CDKL5: variants seen among roughly 807,000 people sequenced by gnomAD.
CDKL5 encodes cyclin-dependent kinase-like 5.
Under a neutral mutation model 61.7 loss-of-function variants are expected in CDKL5, and 8 were observed. That is an observed-to-expected ratio of 0.13 (90% CI 0.08 to 0.23). The LOEUF (loss-of-function observed/expected upper bound fraction) is 0.23. Among genes scored for constraint, CDKL5 ranks in the 10% least tolerant of loss-of-function variants. The probability of loss-of-function intolerance (pLI) is 1.00; values close to 1 mark genes in which losing one functional copy is unlikely to be tolerated. For missense variants in CDKL5, 440 were observed against 734.5 expected, an observed-to-expected ratio of 0.60 and a Z score of 4.63; for synonymous variants, 275 against 272.3, an observed-to-expected ratio of 1.01 and a Z score of -0.10.
At chrX:18,481,324 C>G (rs1274547913) in intron 1 of CDKL5, among the ~76,000 whole-genome samples, 2 of 20,819 alleles carry the variant, frequency 9.6e-5, no homozygotes, top group African/African-American at 2.1e-4. Flanking sequence ...GTCCTGGTTT[C>G]TTTCTTTCTT....
intron 1 of CDKL5, among the ~76,000 whole-genome samples, chrX:18,481,371 T>TCTTTCTTTCTTTCCTTCTTTCCTTCTTTC (rs1569192149): frequency 1.0e-5 from 1 of 95,903 alleles, no homozygotes; most frequent in African/African-American, 3.9e-5. Context: ...TTTCTTTCTT[T>TCTTTCTTTCTTTCCTTCTTTCCTTCTTTC]TGAGGCAGGG....
At chrX:18,557,427 G>A (rs987493703) in intron 3 of CDKL5, among the ~76,000 whole-genome samples, 4 of 111,384 alleles carry the variant, frequency 3.6e-5, no homozygotes, top group Admixed American at 2.9e-4. Context: ...CATGGATTTT[G>A]GTATCCTCGG....
At chrX:18,441,391 G>T (rs1442389756) in intron 1 of CDKL5, among the ~76,000 whole-genome samples, 1 of 110,701 alleles carries the variant, frequency 9.0e-6, no homozygotes, top group Non-Finnish European at 1.9e-5. Flanking sequence ...CTCTAGCCTG[G>T]GTGACAGAGT....
At chrX:18,574,392 A>G in intron 4 of CDKL5, among the ~76,000 whole-genome samples, 1 of 111,826 alleles carries the variant, frequency 8.9e-6, no homozygotes, top group Non-Finnish European at 1.9e-5. Context: ...CAGTTTTTAG[A>G]CTGTGTTTTG....
intron 3 of CDKL5, among the ~76,000 whole-genome samples, chrX:18,541,035 C>T (rs181273147): frequency 9.8e-5 from 11 of 111,986 alleles, no homozygotes; most frequent in Admixed American, 8.5e-4. Context: ...TCCTTTTAGC[C>T]TCTGTGGTTA....
chrX:18,557,262 T>C (rs1369535358), intron 3 of CDKL5, among the ~76,000 whole-genome samples: 1 of 111,772 alleles, frequency 8.9e-6, no homozygotes, highest in African/African-American at 3.3e-5. Context: ...CAATAAAAAA[T>C]ACAAATAAAA....
intron 3 of CDKL5, among the ~76,000 whole-genome samples, chrX:18,529,424 G>A (rs887203790): frequency 9.1e-6 from 1 of 110,363 alleles, no homozygotes; most frequent in Non-Finnish European, 1.9e-5. Context: ...ATTAAGAATA[G>A]GAAAAATAGA....
intron 4 of CDKL5, among the ~76,000 whole-genome samples, chrX:18,564,936 C>T (rs920697315): frequency 9.0e-6 from 1 of 111,491 alleles, no homozygotes; most frequent in African/African-American, 3.3e-5. Context: ...GTATTGGTTA[C>T]GGTGATCTCC....
At chrX:18,626,669 T>TCTCG (rs1927056159) in intron 17 of CDKL5, 2 of 16,352 alleles carry the variant, frequency 1.2e-4, no homozygotes, top group Non-Finnish European at 2.2e-4. Flanking sequence ...GCCCTCTCTC[T>TCTCG]CTCTCTCTCT....
In CDKL5 at chrX:18,603,922, C is replaced by A; in HGVS notation, c.998C>A (p.Thr333Asn). ...LSNRNQAGKS[T>N]ALQSHHRSNS... Reference sequence around the variant, plus strand: ...CATAGAAACCAAGCCGGCAAAAGTACTGCTTTGCAGTCTCACCACAGATCT... The same window carrying A: ...CATAGAAACCAAGCCGGCAAAAGTAATGCTTTGCAGTCTCACCACAGATCT... The change falls in exon 12 of 18, where the codon ACT becomes AAT. Residue 333 changes from threonine (T) to asparagine (N), a missense_variant. Thr to Asn is a moderately conservative substitution (Grantham distance 65). Transcript: ENST00000623535. The A allele has an allele frequency of 8.3e-7, 1 of 1,210,878 alleles. No homozygotes were observed. The highest frequency in any genetic ancestry group is 3.0e-5 in the East Asian group (1 of 33,832).
In CDKL5 at chrX:18,631,784, A is replaced by G. The variant is rs1440953131; in HGVS notation, c.*3027A>G. 1.3e-6 allele frequency: 1 copy of G among 751,192 alleles called. No homozygotes were observed. The highest frequency in any genetic ancestry group is 2.3e-5 in the African/African-American group (1 of 42,983). 61.9% of individuals were successfully genotyped at this position (751,192 alleles called of 1,213,427 possible). ...GAAGTTCTAAATACCCTTTAACTGA[A>G]CCTTGTTGGTCTTGCTCTAAAATTT... is the stretch of plus-strand genomic sequence containing the variant. On this transcript the variant is annotated 3_prime_UTR_variant, in exon 18 of 18. Transcript: ENST00000623535.
chrX:18,532,655 G>A (rs1260295479), intron 3 of CDKL5, among the ~76,000 whole-genome samples: 1 of 111,850 alleles, frequency 8.9e-6, no homozygotes, highest in Non-Finnish European at 1.9e-5. Flanking sequence ...TTGAGAATCT[G>A]TGTGATAGAG....
chrX:18,631,194 A>G lies in CDKL5; in HGVS notation c.*2437A>G, dbSNP rs193105056. 5.7e-5 allele frequency: 43 copies of G among 750,613 alleles called. No individual in the cohort carries two copies. The Admixed American group carries it at 6.2e-4, about 11-fold the overall frequency. The allele number at this position is 750,613 out of a possible 1,213,427, so 61.9% of individuals were successfully genotyped here. A position where few individuals can be genotyped will look rare whatever the true frequency, so the allele number is the denominator to read the frequency against. ...AGAAGGGCTAGAATATTTGCCTTCT[A>G]CCTAGAGCAAAGTAAACCTAATTGT... On this transcript the variant is annotated 3_prime_UTR_variant, in exon 18 of 18. Coordinates refer to ENST00000623535, the MANE Select transcript of CDKL5 (RefSeq NM_001323289.2).
chrX:18,561,879 TTA>T (rs1924817404), intron 3 of CDKL5, among the ~76,000 whole-genome samples: 1 of 111,818 alleles, frequency 8.9e-6, no homozygotes, highest in African/African-American at 3.2e-5. Flanking sequence ...CAGATGAATA[TTA>T]ACCATGCTCA....
rs80212158 is a variant in CDKL5, at chrX:18,516,526, C to T, written c.99+5672C>T. On this transcript the variant is annotated intron_variant, in intron 3 of 17. Transcript: ENST00000623535. ...TGAGATTTTGCTAGACTGTTGATAC[C>T]GGAAAAACTACAAATGCTGCTGTTG... Among the ~76,000 whole-genome samples, 14 of 109,469 alleles carry T rather than the reference C, an allele frequency of 1.3e-4. No homozygotes were observed. The East Asian group carries it at 2.9e-3, about 22-fold the overall frequency.
At chrX:18,513,547 T>C (rs1343592253) in intron 3 of CDKL5, among the ~76,000 whole-genome samples, 5 of 111,941 alleles carry the variant, frequency 4.5e-5, no homozygotes, top group Non-Finnish European at 9.4e-5. Context: ...AACATTTCTC[T>C]CTTTGCTGTC....
At chrX:18,473,255 G>A (rs1381705752) in intron 1 of CDKL5, among the ~76,000 whole-genome samples, 2 of 110,928 alleles carry the variant, frequency 1.8e-5, no homozygotes, top group East Asian at 2.8e-4. Context: ...CACTGTGCCC[G>A]GCCCTCTTCT....
At chrX:18,440,180 C>T (rs1184071347) in intron 1 of CDKL5, among the ~76,000 whole-genome samples, 1 of 111,805 alleles carries the variant, frequency 8.9e-6, no homozygotes, top group Non-Finnish European at 1.9e-5. Context: ...TAGCGTTTTA[C>T]CCACATTAGA....
At chrX:18,499,186 A>G (rs1922289553) in intron 1 of CDKL5, among the ~76,000 whole-genome samples, 1 of 111,544 alleles carries the variant, frequency 9.0e-6, no homozygotes, top group Non-Finnish European at 1.9e-5. Context: ...TATAGTTGAT[A>G]TGTTCATTTG....
Sources: gnomAD v4.1 joint callset for allele counts (sites outside exome capture counted in the v4.1 genomes callset) on GRCh38, gnomAD v4.1.1 for gene constraint, MANE v1.5 for transcripts, NCBI Gene and HGNC (gene_info 2026-07-23, HGNC 2026-07-21) for gene names.